TREML4: variants seen among roughly 807,000 people sequenced by gnomAD.
The protein encoded by TREML4 is triggering receptor expressed on myeloid cells like 4.
In TREML4, 25 loss-of-function variants were observed where a neutral mutation model predicts 25.4. The observed-to-expected ratio is 0.98, with a 90% CI of 0.72 to 1.37. The LOEUF is 1.37. Ranked by LOEUF, TREML4 falls within the 40% of genes most tolerant of loss-of-function variation. TREML4 has a pLI of 0.00. For missense variants in TREML4, 268 were observed against 236.5 expected (o/e 1.13, Z -0.87); for synonymous variants, 92 against 87.9 (o/e 1.05, Z -0.26).
intron 4 of TREML4, among the ~76,000 whole-genome samples, chr6:41,235,227 C>T (rs1766872758): frequency 6.6e-6 from 1 of 152,104 alleles, no homozygotes; most frequent in Non-Finnish European, 1.5e-5. Context: ...AAAGATTGTA[C>T]ACCAATGATT....
intron 3 of TREML4, 147 bp from the exon 4 acceptor site, chr6:41,229,915 G>C: frequency 1.4e-6 from 1 of 711,500 alleles, no homozygotes; most frequent in Non-Finnish European, 2.5e-6. Context: ...TGGTTATGGA[G>C]ATCTCAGGCC....
chr6:41,236,227 C>A (rs929990183), intron 4 of TREML4, among the ~76,000 whole-genome samples: 1 of 152,146 alleles, frequency 6.6e-6, no homozygotes, highest in Non-Finnish European at 1.5e-5. Context: ...CTATCCCTCC[C>A]CTTCCCTGAA....
rs143370821 is a variant in TREML4 at position 41,229,205 on chromosome 6, C to T, written c.394+161C>T. On this transcript the variant is annotated intron_variant, in intron 2 of 5. Transcript: ENST00000341495. ...CCTGTCCCCAAACATGGACTCTCACCTCTCCTCCACCCGGTACATCCTGGC... is the reference window on the plus strand; with the variant it reads ...CCTGTCCCCAAACATGGACTCTCACTTCTCCTCCACCCGGTACATCCTGGC... 1.7e-3 allele frequency among the ~76,000 whole-genome samples: 254 copies of T among 152,212 alleles called. 1 individual carries two copies. Among genetic ancestry groups the T allele is most frequent in the Non-Finnish European group, 2.8e-3 (189 of 68,000 alleles).
chr6:41,229,235 A>G (rs1192386773), intron 2 of TREML4, among the ~76,000 whole-genome samples, 191 bp downstream of exon 2: 1 of 152,116 alleles, frequency 6.6e-6, no homozygotes, highest in African/African-American at 2.4e-5. Context: ...CCTGGCCTCA[A>G]TTGTTGGGAA....
intron 3 of TREML4, 133 bp from the exon 4 acceptor site, chr6:41,229,929 G>C (rs1271917593): frequency 1.3e-6 from 1 of 766,040 alleles, no homozygotes; most frequent in Non-Finnish European, 2.3e-6. Flanking sequence ...TCAGGCCTCA[G>C]TTACCCTTAG....
rs917145061 is a variant in TREML4, at chr6:41,238,785, A to G, written c.*1766A>G. Reference sequence around the variant, plus strand: ...TAAAAAAAAAATGGAAGGCAAGAATAAACGTAGCTGAGTGATGCTACATGG... The same window carrying G: ...TAAAAAAAAAATGGAAGGCAAGAATGAACGTAGCTGAGTGATGCTACATGG... On this transcript the variant is annotated 3_prime_UTR_variant, in exon 6 of 6. Transcript: ENST00000341495. The G allele has an allele frequency of 6.6e-6, 1 of 152,252 alleles. No homozygotes were observed. Among genetic ancestry groups the G allele is most frequent in the Non-Finnish European group, 1.5e-5 (1 of 68,040 alleles). The allele number at this position is 152,252 out of a possible 1,614,324, so 9.4% of individuals were successfully genotyped here.
At position 41,229,194 on chromosome 6, in the gene TREML4, T is replaced by C. The variant is rs1582114260; in HGVS notation, c.394+150T>C. On this transcript the variant is annotated intron_variant, in intron 2 of 5. Coordinates refer to ENST00000341495, the MANE Select transcript of TREML4 (RefSeq NM_198153.3). Reference sequence around the variant, plus strand: ...GGAGCAAAGATCCTGTCCCCAAACATGGACTCTCACCTCTCCTCCACCCGG... The same window carrying C: ...GGAGCAAAGATCCTGTCCCCAAACACGGACTCTCACCTCTCCTCCACCCGG... 4.1e-6 allele frequency: 3 copies of C among 732,072 alleles called. No individual in the cohort carries two copies. The South Asian group carries it at 5.5e-5, about 14-fold the overall frequency. 45.3% of individuals were successfully genotyped at this position (732,072 alleles called of 1,614,324 possible). A position where few individuals can be genotyped will look rare whatever the true frequency, so the allele number is the denominator to read the frequency against.
At chr6:41,232,091 A>G (rs1027632604) in intron 4 of TREML4, among the ~76,000 whole-genome samples, 2 of 152,242 alleles carry the variant, frequency 1.3e-5, no homozygotes, top group African/African-American at 4.8e-5. Context: ...AGAAAAGAAG[A>G]CAATTCAGTA....
In TREML4 at chr6:41,232,784, G is replaced by A. The variant is rs58921648; in HGVS notation, c.506+2662G>A. On this transcript the variant is annotated intron_variant, in intron 4 of 5. Coordinates refer to ENST00000341495, the MANE Select transcript of TREML4 (RefSeq NM_198153.3). ...TTCATAATAGGGTTCATGCTACTAC[G>A]AGAATCTAAAGCCACCACTGATCTA... 7.3e-3 allele frequency among the ~76,000 whole-genome samples: 1,105 copies of A among 152,234 alleles called. 71 individuals carry two copies. In the East Asian group the frequency reaches 0.18, roughly 25 times the overall value.
Position 41,237,220 on chromosome 6 carries a change from C to T in TREML4, c.*201C>T, listed in dbSNP as rs756641626. Reference sequence around the variant, plus strand: ...CCACCTCCTTGTGAGGAAAGGCTAGCGCTAAGCCTATTGGAGAGAACTTTC... The same window carrying T: ...CCACCTCCTTGTGAGGAAAGGCTAGTGCTAAGCCTATTGGAGAGAACTTTC... On this transcript the variant is annotated 3_prime_UTR_variant, in exon 6 of 6. Transcript: ENST00000341495. 6.5e-6 allele frequency: 1 copy of T among 153,122 alleles called. No individual in the cohort carries two copies. Among genetic ancestry groups the T allele is most frequent in the Non-Finnish European group, 1.5e-5 (1 of 68,556 alleles). 9.5% of individuals were successfully genotyped at this position (153,122 alleles called of 1,614,324 possible). A position where few individuals can be genotyped will look rare whatever the true frequency, so the allele number is the denominator to read the frequency against.
In TREML4 at chr6:41,229,523, C is replaced by A; in HGVS notation, c.397C>A (p.Pro133Thr). ...RNISLVVSPAPTTSPMWTLPW... is the reference protein window; with the variant it reads ...RNISLVVSPATTTSPMWTLPW... Reference sequence around the variant, plus strand: ...TGTCTGCTGTCTTTTCTCTTTAGCCCCAACCACGTCTCCTATGTGGACTCT... The same window carrying A: ...TGTCTGCTGTCTTTTCTCTTTAGCCACAACCACGTCTCCTATGTGGACTCT... Residue 133 changes from proline (P) to threonine (T), a missense_variant and splice_region_variant, in exon 3 of 6, where the codon CCA becomes ACA. Coordinates refer to ENST00000341495, the MANE Select transcript of TREML4 (RefSeq NM_198153.3). 6.2e-7 allele frequency: 1 copy of A among 1,613,876 alleles called. No homozygotes were observed. Among genetic ancestry groups the A allele is most frequent in the Non-Finnish European group, 8.5e-7 (1 of 1,179,894 alleles).
intron 2 of TREML4, 108 bp from the exon 3 acceptor site, chr6:41,229,413 A>G (rs960661246): frequency 3.8e-5 from 46 of 1,197,004 alleles, no homozygotes; most frequent in African/African-American, 6.0e-5. Context: ...CTGGCTTAAG[A>G]CATCCTGAGG....
chr6:41,236,903 G>A (rs1308702132), intron 5 of TREML4, among the ~76,000 whole-genome samples, 152 bp from the exon 6 acceptor site: 2 of 152,110 alleles, frequency 1.3e-5, no homozygotes, highest in East Asian at 3.9e-4. Context: ...GAAGGTTTAG[G>A]AGACAGGAAG....
Position 41,228,978 on chromosome 6 carries a change from G to A in TREML4, c.328G>A (p.Gly110Arg). The A allele has an allele frequency of 6.2e-7, 1 of 1,614,034 alleles. No individual in the cohort carries two copies. The highest frequency in any genetic ancestry group is 8.5e-7 in the Non-Finnish European group (1 of 1,179,902). ...GAATGACTCGGGATTCTACTGGTGTGGAATCTACAACGCTTCCGAAAACAT... is the reference window on the plus strand; with the variant it reads ...GAATGACTCGGGATTCTACTGGTGTAGAATCTACAACGCTTCCGAAAACAT... ...TQNDSGFYWCGIYNASENIIT... is the reference protein window; with the variant it reads ...TQNDSGFYWCRIYNASENIIT... The change falls in exon 2 of 6, where the codon GGA becomes AGA. Residue 110 changes from glycine to arginine, a missense_variant. By Grantham distance (125) the Gly-to-Arg change is moderately radical. Coordinates refer to ENST00000341495, the MANE Select transcript of TREML4 (RefSeq NM_198153.3).
At chr6:41,236,645 G>A (rs951961827) in intron 5 of TREML4, 28 bp downstream of exon 5, 30 of 1,325,824 alleles carry the variant, frequency 2.3e-5, no homozygotes, top group Non-Finnish European at 2.7e-5. Context: ...TCACCTGGGG[G>A]CAATGGAGCT....
chr6:41,236,370 G>A, intron 4 of TREML4, 116 bp from the exon 5 acceptor site: 1 of 782,724 alleles, frequency 1.3e-6, no homozygotes, highest in Non-Finnish European at 2.2e-6. Context: ...CATCGTTCAG[G>A]GTGGGCCCTT....
intron 4 of TREML4, among the ~76,000 whole-genome samples, chr6:41,230,758 C>T (rs1766780813): frequency 6.6e-6 from 1 of 152,158 alleles, no homozygotes; most frequent in African/African-American, 2.4e-5. Flanking sequence ...AAGGTGAAAC[C>T]CTAACCAGAG....
chr6:41,236,640 T>TG lies in TREML4; in HGVS notation c.*35+28dup, dbSNP rs1343146951. ...CAGGTGAGGGGGCCTGGATTTCACC[T>TG]GGGGGCAATGGAGCTGGGGCCAGAT... On this transcript the variant is annotated intron_variant, in intron 5 of 5. Coordinates refer to ENST00000341495, the MANE Select transcript of TREML4 (RefSeq NM_198153.3). 14 of 1,368,184 alleles carry TG rather than the reference T, an allele frequency of 1.0e-5. No homozygotes were observed. In the East Asian group the frequency reaches 3.0e-4, roughly 29 times the overall value. 84.8% of individuals were successfully genotyped at this position (1,368,184 alleles called of 1,614,324 possible).
rs1582114462 is a variant in TREML4 at position 41,229,442 on chromosome 6, A to T, written c.395-79A>T. On this transcript the variant is annotated intron_variant, in intron 2 of 5. Transcript: ENST00000341495. ...CCTGAGGGTCTGGCTCTGGGCCCCT[A>T]CCTCCTCTTATGTATGGGGTAGACC... is the stretch of plus-strand genomic sequence containing the variant. 20 of 1,512,382 alleles carry T rather than the reference A, an allele frequency of 1.3e-5. No individual in the cohort carries two copies. In the East Asian group the frequency reaches 4.3e-4, roughly 33 times the overall value. 93.7% of individuals were successfully genotyped at this position (1,512,382 alleles called of 1,614,324 possible). A position where few individuals can be genotyped will look rare whatever the true frequency, so the allele number is the denominator to read the frequency against.
Sources: gnomAD v4.1 joint callset for allele counts (sites outside exome capture counted in the v4.1 genomes callset) on GRCh38, gnomAD v4.1.1 for gene constraint, MANE v1.5 for transcripts, NCBI Gene and HGNC (gene_info 2026-07-23, HGNC 2026-07-21) for gene names.